STAG1: variants seen among roughly 807,000 people sequenced by gnomAD.
STAG1 encodes the protein STAG1 cohesin complex component, also known as cohesin subunit SA-1.
Under a neutral mutation model 170.9 loss-of-function variants are expected in STAG1, and 26 were observed. The ratio of observed to expected loss-of-function variants is 0.15; its 90% CI spans 0.11 to 0.21. The LOEUF is 0.21. STAG1 is among the 10% of genes least tolerant of loss of function. The pLI is 1.00. For synonymous variants in STAG1, 514 were observed against 497.7 expected (o/e 1.03, Z -0.44); for missense variants, 964 against 1,509.5 (o/e 0.64, Z 5.99).
At chr3:136,479,417 T>G (rs1353681730) in intron 9 of STAG1, among the ~76,000 whole-genome samples, 2 of 117,640 alleles carry the variant, frequency 1.7e-5, no homozygotes. Flanking sequence ...TCATCACTTT[T>G]TATGGCTGCA....
At chr3:136,491,592 A>T (rs756987268) in intron 9 of STAG1, among the ~76,000 whole-genome samples, 1 of 152,196 alleles carries the variant, frequency 6.6e-6, no homozygotes, top group Non-Finnish European at 1.5e-5. Flanking sequence ...CAGTTTCCCA[A>T]ATTCTAGACT....
chr3:136,447,786 T>G (rs142493574), intron 14 of STAG1, among the ~76,000 whole-genome samples: 2 of 151,696 alleles, frequency 1.3e-5, no homozygotes, highest in African/African-American at 4.8e-5. Flanking sequence ...CCCAGCTAAT[T>G]TTTTGCATTT....
intron 32 of STAG1, among the ~76,000 whole-genome samples, chr3:136,339,254 T>C (rs772113715): frequency 2.0e-5 from 3 of 152,110 alleles, no homozygotes; most frequent in African/African-American, 7.2e-5. Context: ...AAAAAATAAA[T>C]TTCTGGGCCA....
At chr3:136,371,430 T>C (rs1476312615) in intron 23 of STAG1, among the ~76,000 whole-genome samples, 10 of 152,182 alleles carry the variant, frequency 6.6e-5, no homozygotes, top group Admixed American at 2.6e-4. Context: ...AGTCCTTGCC[T>C]GTGCCTATGT....
intron 5 of STAG1, among the ~76,000 whole-genome samples, 176 bp from the exon 6 acceptor site, chr3:136,542,371 C>T (rs1935953109): frequency 6.6e-6 from 1 of 151,992 alleles, no homozygotes; most frequent in Non-Finnish European, 1.5e-5. Context: ...GACAGTACTC[C>T]TAAGAAGGAA....
At chr3:136,616,489 T>TAAAAAGAAGTCCAACTAATATAC (rs1253320981) in intron 3 of STAG1, among the ~76,000 whole-genome samples, 1 of 152,028 alleles carries the variant, frequency 6.6e-6, no homozygotes, top group Non-Finnish European at 1.5e-5. Context: ...AAAGACAGCT[T>TAAAAAGAAGTCCAACTAATATAC]AAAAAGAAGT....
chr3:136,529,194 T>C (rs1400409751), intron 6 of STAG1, among the ~76,000 whole-genome samples: 2 of 152,052 alleles, frequency 1.3e-5, no homozygotes, highest in African/African-American at 4.8e-5. Flanking sequence ...CAATTTGGGG[T>C]CCCAGAAGGC....
rs758293382 is a variant in STAG1, at chr3:136,433,609, T to C, written c.1597A>G (p.Ile533Val). 27 of 1,601,624 alleles carry C rather than the reference T, an allele frequency of 1.7e-5. No individual in the cohort carries two copies. Among genetic ancestry groups the C allele is most frequent in the East Asian group, 4.6e-5 (2 of 43,926 alleles). The change falls in exon 16 of 34, where the codon ATT becomes GTT. Residue 533 changes from isoleucine to valine, a missense_variant. Physicochemically the swap from Ile to Val is conservative, Grantham distance 29. Transcript: ENST00000383202. ...SALIELMVCT[I>V]RQAAEAHPPV... Reference sequence around the variant, plus strand: ...GGATGTGCCTCAGCAGCTTGACGAATTGTACAAACCATTAGCTCTATAAGA... The same window carrying C: ...GGATGTGCCTCAGCAGCTTGACGAACTGTACAAACCATTAGCTCTATAAGA...
intron 4 of STAG1, among the ~76,000 whole-genome samples, chr3:136,577,364 T>C (rs911596039): frequency 6.6e-6 from 1 of 152,184 alleles, no homozygotes; most frequent in African/African-American, 2.4e-5. Context: ...AACAGTTTAA[T>C]TCAGTCTCAC....
chr3:136,730,312 G>A (rs1275337765), intron 1 of STAG1, among the ~76,000 whole-genome samples: 1 of 152,134 alleles, frequency 6.6e-6, no homozygotes, highest in Non-Finnish European at 1.5e-5. Flanking sequence ...TCAGTTATAG[G>A]TTAGTAAAAA....
intron 1 of STAG1, among the ~76,000 whole-genome samples, chr3:136,743,161 A>G (rs113874609): frequency 1.2e-3 from 176 of 152,164 alleles, no homozygotes; most frequent in African/African-American, 2.4e-3. Flanking sequence ...GAGGCCAGGA[A>G]TTCAAAACCA....
chr3:136,635,064 A>G (rs1940499632), intron 1 of STAG1, among the ~76,000 whole-genome samples: 1 of 152,226 alleles, frequency 6.6e-6, no homozygotes, highest in African/African-American at 2.4e-5. Flanking sequence ...AACATGGTTT[A>G]AAAAGAATTA....
intron 3 of STAG1, among the ~76,000 whole-genome samples, chr3:136,617,108 G>T (rs989409549): frequency 2.0e-5 from 3 of 152,134 alleles, no homozygotes; most frequent in Non-Finnish European, 4.4e-5. Flanking sequence ...GTTCATGTCA[G>T]CATGGTTTAG....
intron 21 of STAG1, among the ~76,000 whole-genome samples, chr3:136,411,945 G>A (rs116493551): frequency 0.016 from 2,487 of 151,444 alleles, 72 homozygotes; most frequent in African/African-American, 0.057. Context: ...GGACCACCAC[G>A]CCCGGCTAAT....
At chr3:136,658,200 A>G (rs1174152047) in intron 1 of STAG1, among the ~76,000 whole-genome samples, 2 of 150,420 alleles carry the variant, frequency 1.3e-5, no homozygotes, top group African/African-American at 4.9e-5. Context: ...TTCCACCCAA[A>G]AAAAAAAAAA....
rs1439784172 is a variant in STAG1, at chr3:136,349,049, A to G, written c.3271+109T>C. On this transcript the variant is annotated intron_variant, in intron 29 of 33. Coordinates refer to ENST00000383202, the MANE Select transcript of STAG1 (RefSeq NM_005862.3). ...TAACATCTCATTGTGAATAAAATATACAAGAAAATCATGTGCCTGATACTA... is the reference window on the plus strand; with the variant it reads ...TAACATCTCATTGTGAATAAAATATGCAAGAAAATCATGTGCCTGATACTA... The G allele has an allele frequency of 1.7e-5, 14 of 836,230 alleles. No homozygotes were observed. The South Asian group carries it at 2.2e-4, about 13-fold the overall frequency. 51.8% of individuals were successfully genotyped at this position (836,230 alleles called of 1,614,324 possible).
intron 1 of STAG1, among the ~76,000 whole-genome samples, chr3:136,704,821 CAAA>C (rs67207510): frequency 3.3e-4 from 17 of 51,422 alleles, no homozygotes; most frequent in African/African-American, 1.3e-3. Flanking sequence ...GTCCCTGTCT[CAAA>C]AAAAAAAAAA....
At chr3:136,445,457 A>G (rs939331438) in intron 14 of STAG1, among the ~76,000 whole-genome samples, 5 of 152,210 alleles carry the variant, frequency 3.3e-5, no homozygotes, top group Admixed American at 1.3e-4. Context: ...TTATACATAT[A>G]TAAATTAAAG....
At chr3:136,536,901 A>G (rs1010183434) in intron 6 of STAG1, among the ~76,000 whole-genome samples, 1 of 152,198 alleles carries the variant, frequency 6.6e-6, no homozygotes, top group Non-Finnish European at 1.5e-5. Context: ...AATTAAGTAT[A>G]TGTAAAGCAC....
Sources: allele counts gnomAD v4.1 joint callset (sites outside exome capture counted in the v4.1 genomes callset), GRCh38; gene constraint gnomAD v4.1.1; transcripts MANE v1.5; gene names NCBI Gene and HGNC (gene_info 2026-07-23, HGNC 2026-07-21).